DUSP8: variants seen among roughly 807,000 people sequenced by gnomAD.
The protein encoded by DUSP8 is dual specificity phosphatase 8.
DUSP8 carries 15 observed loss-of-function variants against 38.7 expected under a neutral mutation model. That is an observed-to-expected ratio of 0.39 (90% CI 0.26 to 0.60). DUSP8 has a LOEUF of 0.60. Among genes scored for constraint, DUSP8 ranks in the 20% least tolerant of loss-of-function variants. DUSP8 has a pLI of 0.56. For missense variants in DUSP8, 768 were observed against 915.0 expected (o/e 0.84, Z 2.07); for synonymous variants, 458 against 433.9 (o/e 1.06, Z -0.69).
At chr11:1,567,899 A>ATGAG (rs1159212236) in intron 1 of DUSP8, among the ~76,000 whole-genome samples, 66 of 152,200 alleles carry the variant, frequency 4.3e-4, no homozygotes, top group African/African-American at 1.6e-3. Flanking sequence ...GGGGTCCCTG[A>ATGAG]CTACCCACAG....
In DUSP8 at chr11:1,556,471, T is replaced by C; in HGVS notation, c.*47A>G. Reference sequence around the variant, plus strand: ...CTTTGCATTATATATAATATACATTTATAACGGGCCTGGCTGCGGGCGGCG... The same window carrying C: ...CTTTGCATTATATATAATATACATTCATAACGGGCCTGGCTGCGGGCGGCG... On this transcript the variant is annotated 3_prime_UTR_variant, in exon 7 of 7. Coordinates refer to ENST00000397374, the MANE Select transcript of DUSP8 (RefSeq NM_004420.3). The surrounding 1 kb of genome is among the most constrained non-coding windows in gnomAD (Gnocchi z 5.2). 8.1e-7 allele frequency: 1 copy of C among 1,232,088 alleles called. No individual in the cohort carries two copies. Among genetic ancestry groups the C allele is most frequent in the Non-Finnish European group, 1.0e-6 (1 of 987,678 alleles). 76.3% of individuals were successfully genotyped at this position (1,232,088 alleles called of 1,614,324 possible). A position where few individuals can be genotyped will look rare whatever the true frequency, so the allele number is the denominator to read the frequency against.
chr11:1,564,278 C>T (rs975882912), intron 2 of DUSP8, among the ~76,000 whole-genome samples: 4 of 152,208 alleles, frequency 2.6e-5, no homozygotes, highest in Admixed American at 2.0e-4. Flanking sequence ...GTGAAGGGGA[C>T]GGACGCTCTG....
rs768257298 is a variant in DUSP8 at position 1,557,301 on chromosome 11, C to G, written c.1095G>C (p.Pro365=). 1.4e-6 allele frequency: 2 copies of G among 1,469,644 alleles called. No individual in the cohort carries two copies. The highest frequency in any genetic ancestry group is 1.8e-6 in the Non-Finnish European group (2 of 1,119,562). 91.0% of individuals were successfully genotyped at this position (1,469,644 alleles called of 1,614,324 possible). A position where few individuals can be genotyped will look rare whatever the true frequency, so the allele number is the denominator to read the frequency against. ...GGCCCTGCTGCAGTGCGCTGGTCGC[C>G]GGGGGCGTGGGGGGCGCGGGGGGCT... ...GGEPPAPPTP[P]ATSALQQGLR... is the part of the protein sequence containing the mutation. Residue 365 remains proline (P), a synonymous_variant, in exon 7 of 7, where the codon CCG becomes CCC. Coordinates refer to ENST00000397374, the MANE Select transcript of DUSP8 (RefSeq NM_004420.3). This position sits in a 1 kb window ranked among gnomAD's most constrained non-coding sequence, Gnocchi z 9.9.
At chr11:1,560,435 T>C in intron 3 of DUSP8, among the ~76,000 whole-genome samples, 1 of 151,624 alleles carries the variant, frequency 6.6e-6, no homozygotes, top group African/African-American at 2.4e-5. Flanking sequence ...GACAGGGGAG[T>C]GTGTGCAAAC....
rs200012979 is a variant in DUSP8 at position 1,565,749 on chromosome 11, C to T, written c.78G>A (p.Gly26=). The stretch of plus-strand genomic sequence containing the variant: ...AGGAGCGGCTGTCGATGACCAGCGG[C>T]CCCCCAGGCCCGCCCCGCAGCAGGC... The part of the protein sequence containing the change: ...LASLLRGGPG[G]PLVIDSRSFV... The change falls in exon 2 of 7, where the codon GGG becomes GGA. Residue 26 remains glycine, a synonymous_variant. Coordinates refer to ENST00000397374, the MANE Select transcript of DUSP8 (RefSeq NM_004420.3). 8 of 1,611,586 alleles carry T rather than the reference C, an allele frequency of 5.0e-6. No individual in the cohort carries two copies. In the East Asian group the frequency reaches 1.6e-4, roughly 31 times the overall value.
At chr11:1,571,462 A>T (rs896727595) in intron 1 of DUSP8, 2 of 151,904 alleles carry the variant, frequency 1.3e-5, no homozygotes, top group Non-Finnish European at 2.9e-5. Flanking sequence ...CCCACGGCCG[A>T]GGCTCCACAC....
chr11:1,565,487 AG>A, intron 2 of DUSP8, 108 bp downstream of exon 2: 1 of 846,200 alleles, frequency 1.2e-6, no homozygotes, highest in South Asian at 1.6e-5. Context: ...GACCCCAAGG[AG>A]TCGAGTTTGG....
chr11:1,572,305 G>A (rs1848918319), upstream of DUSP8, among the ~76,000 whole-genome samples: 1 of 149,906 alleles, frequency 6.7e-6, no homozygotes, highest in Non-Finnish European at 1.5e-5. This position sits in a 1 kb window ranked among gnomAD's most constrained non-coding sequence, Gnocchi z 4.7. Flanking sequence ...GGCCGCCGGC[G>A]GGGATGAGGT....
rs1848619275 is a variant in DUSP8 at position 1,556,163 on chromosome 11, A to T, written c.*355T>A. The T allele has an allele frequency of 1.0e-5, 2 of 192,754 alleles. No individual in the cohort carries two copies. The highest frequency in any genetic ancestry group is 2.3e-5 in the African/African-American group (1 of 42,690). 11.9% of individuals were successfully genotyped at this position (192,754 alleles called of 1,614,324 possible). A position where few individuals can be genotyped will look rare whatever the true frequency, so the allele number is the denominator to read the frequency against. ...TTTTCCTTTTTTTCACCTTTTTGTT[A>T]TGTAAAAAGTGCACGAAAGCTCGGC... is the stretch of plus-strand genomic sequence containing the variant. On this transcript the variant is annotated 3_prime_UTR_variant, in exon 7 of 7. Transcript: ENST00000397374. The surrounding 1 kb of genome is among the most constrained non-coding windows in gnomAD (Gnocchi z 5.2).
chr11:1,567,621 C>T (rs11033802), intron 1 of DUSP8, among the ~76,000 whole-genome samples: 80,501 of 152,186 alleles, frequency 0.53, 21,668 homozygotes, highest in Non-Finnish European at 0.54. Context: ...TGCATTCCCA[C>T]CATCCCTCCT....
At position 1,556,334 on chromosome 11, in the gene DUSP8, T is replaced by G. The variant is rs1487168823; in HGVS notation, c.*184A>C. ...AAATACCAGACAGTAAAAATAGAGC[T>G]CGAGGACCACCCGCACTGTTGCCAA... On this transcript the variant is annotated 3_prime_UTR_variant, in exon 7 of 7. Transcript: ENST00000397374. This position sits in a 1 kb window ranked among gnomAD's most constrained non-coding sequence, Gnocchi z 5.2. 1 of 762,462 alleles carries G rather than the reference T, an allele frequency of 1.3e-6. No homozygotes were observed. The allele number at this position is 762,462 out of a possible 1,614,324, so 47.2% of individuals were successfully genotyped here.
Position 1,556,467 on chromosome 11 carries a change from C to T in DUSP8, c.*51G>A, listed in dbSNP as rs1448481537. On this transcript the variant is annotated 3_prime_UTR_variant, in exon 7 of 7. Transcript: ENST00000397374. The surrounding 1 kb of genome is among the most constrained non-coding windows in gnomAD (Gnocchi z 5.2). The stretch of plus-strand genomic sequence containing the variant: ...CTTTCTTTGCATTATATATAATATA[C>T]ATTTATAACGGGCCTGGCTGCGGGC... 3.2e-6 allele frequency: 4 copies of T among 1,231,674 alleles called. No individual in the cohort carries two copies. The highest frequency in any genetic ancestry group is 4.1e-6 in the Non-Finnish European group (4 of 987,492). The allele number at this position is 1,231,674 out of a possible 1,614,324, so 76.3% of individuals were successfully genotyped here.
At chr11:1,560,622 G>A (rs1848701413) in intron 3 of DUSP8, among the ~76,000 whole-genome samples, 1 of 152,226 alleles carries the variant, frequency 6.6e-6, no homozygotes, top group South Asian at 2.1e-4. Context: ...TAGGTGACTT[G>A]TCACCAACGA....
chr11:1,560,347 GC>G (rs879594050), intron 3 of DUSP8, among the ~76,000 whole-genome samples: 2 of 152,116 alleles, frequency 1.3e-5, no homozygotes, highest in Admixed American at 1.3e-4. Flanking sequence ...TGCCCCGCGT[GC>G]CCCCAGTGCC....
intron 2 of DUSP8, among the ~76,000 whole-genome samples, chr11:1,564,955 C>T (rs1011000860): frequency 5.9e-5 from 9 of 152,200 alleles, no homozygotes; most frequent in South Asian, 2.1e-4. Flanking sequence ...GAGGAGGTGC[C>T]GCCACCTTCA....
In DUSP8 at chr11:1,556,976, G is replaced by A; in HGVS notation, c.1420C>T (p.Leu474=). The A allele has an allele frequency of 9.6e-7, 1 of 1,042,094 alleles. No individual in the cohort carries two copies. Among genetic ancestry groups the A allele is most frequent in the Non-Finnish European group, 1.2e-6 (1 of 869,492 alleles). 64.6% of individuals were successfully genotyped at this position (1,042,094 alleles called of 1,614,324 possible). ...PARSPAHSLG[L]NFGDAARQTP... is the part of the protein sequence containing the mutation. ...TGCCGGGCCGCATCGCCGAAGTTCA[G>A]GCCGAGGCTGTGCGCGGGGGAGCGC... The change falls in exon 7 of 7, where the codon CTG becomes TTG. Residue 474 remains leucine (L), a synonymous_variant. Coordinates refer to ENST00000397374, the MANE Select transcript of DUSP8 (RefSeq NM_004420.3). This position sits in a 1 kb window ranked among gnomAD's most constrained non-coding sequence, Gnocchi z 5.2.
Position 1,564,275 on chromosome 11 carries a change from G to C in DUSP8, c.232-286C>G, listed in dbSNP as rs567116953. On this transcript the variant is annotated intron_variant, in intron 2 of 6. Coordinates refer to ENST00000397374, the MANE Select transcript of DUSP8 (RefSeq NM_004420.3). ...CCCATGCCATGCACATGGGTGAAGG[G>C]GACGGACGCTCTGGGCCAGGCCTGT... is the stretch of plus-strand genomic sequence containing the variant. 6.6e-5 allele frequency among the ~76,000 whole-genome samples: 10 copies of C among 152,352 alleles called. No individual in the cohort carries two copies. The South Asian group carries it at 1.7e-3, about 25-fold the overall frequency.
At chr11:1,561,949 C>T (rs1848723517) in intron 3 of DUSP8, among the ~76,000 whole-genome samples, 1 of 152,240 alleles carries the variant, frequency 6.6e-6, no homozygotes, top group African/African-American at 2.4e-5. Flanking sequence ...CATGAGCCCA[C>T]TGTATACCAC....
chr11:1,559,368 C>T (rs1004693250), intron 3 of DUSP8: 4 of 285,754 alleles, frequency 1.4e-5, no homozygotes, highest in South Asian at 6.6e-5. Context: ...CTGGCCATCA[C>T]GGCACGCGCT....
Sources: gnomAD v4.1 joint callset for allele counts (sites outside exome capture counted in the v4.1 genomes callset) on GRCh38, gnomAD v4.1.1 for gene constraint, Gnocchi (gnomAD v3.1) non-coding constraint, MANE v1.5 for transcripts, NCBI Gene and HGNC (gene_info 2026-07-23, HGNC 2026-07-21) for gene names.